Variants in SORCS2 observed in about 807,000 individuals in gnomAD.
SORCS2 encodes the protein VPS10 domain-containing receptor SorCS2.
In SORCS2, 100 loss-of-function variants were observed where a neutral mutation model predicts 141.6. That is an observed-to-expected ratio of 0.71 (90% CI 0.60 to 0.83). The LOEUF (loss-of-function observed/expected upper bound fraction) is 0.83, where lower values mean the gene tolerates loss of function less well. SORCS2 is among the 40% of genes least tolerant of loss of function. SORCS2 has a pLI of 0.00. For synonymous variants in SORCS2, 789 were observed against 676.9 expected (o/e 1.17, Z -2.57); for missense variants, 1,646 against 1,560.2 (o/e 1.05, Z -0.93).
rs528965022 is a variant in SORCS2 at position 7,696,887 on chromosome 4, C to G, written c.1592-311C>G. On this transcript the variant is annotated intron_variant, in intron 11 of 26. Transcript: ENST00000507866. ...CCCACCTGGCCCACGTCCTCTCCAGCCCATCCCTAGCCACACTCCATGCTT... is the reference window on the plus strand; with the variant it reads ...CCCACCTGGCCCACGTCCTCTCCAGGCCATCCCTAGCCACACTCCATGCTT... Among the ~76,000 whole-genome samples, 11 of 152,352 alleles carry G rather than the reference C, an allele frequency of 7.2e-5. No individual in the cohort carries two copies. In the East Asian group the frequency reaches 1.3e-3, roughly 19 times the overall value.
Position 7,375,377 on chromosome 4 carries a change from C to G in SORCS2, c.481-20911C>G, listed in dbSNP as rs568841455. On this transcript the variant is annotated intron_variant, in intron 1 of 26. Coordinates refer to ENST00000507866, the MANE Select transcript of SORCS2 (RefSeq NM_020777.3). ...GCGCCTCTGTCTCTGGGCATGGAAA[C>G]TCTCATGCTACATCCCGTGTTGGGT... 6.2e-4 allele frequency among the ~76,000 whole-genome samples: 95 copies of G among 152,370 alleles called. 1 individual carries two copies. In the East Asian group the frequency reaches 8.3e-3, roughly 13 times the overall value.
At chr4:7,515,356 G>A (rs909011912) in intron 2 of SORCS2, among the ~76,000 whole-genome samples, 30 of 152,328 alleles carry the variant, frequency 2.0e-4, no homozygotes, top group African/African-American at 5.8e-4. Context: ...GGTCAGGGGC[G>A]GATGAGGCCT....
At chr4:7,368,148 G>A (rs560385607) in intron 1 of SORCS2, among the ~76,000 whole-genome samples, 32 of 152,270 alleles carry the variant, frequency 2.1e-4, no homozygotes, top group African/African-American at 7.2e-4. Flanking sequence ...TGAATGTGCC[G>A]GAATCCTGTT....
intron 1 of SORCS2, among the ~76,000 whole-genome samples, chr4:7,361,717 G>T (rs760766284): frequency 1.8e-4 from 27 of 152,070 alleles, no homozygotes; most frequent in Non-Finnish European, 3.7e-4. Flanking sequence ...GGACCCCACT[G>T]CAGGCAGCTG....
At chr4:7,678,550 G>C (rs34872890) in intron 9 of SORCS2, among the ~76,000 whole-genome samples, 1 of 137,544 alleles carries the variant, frequency 7.3e-6, no homozygotes, top group Non-Finnish European at 1.6e-5. Context: ...GCGGTTGGCC[G>C]GCCTGGGGCA....
chr4:7,699,202 C>A (rs962782742), intron 12 of SORCS2, among the ~76,000 whole-genome samples: 6 of 152,130 alleles, frequency 3.9e-5, no homozygotes, highest in African/African-American at 1.4e-4. Context: ...CTCTCCCCAC[C>A]CGGCCCTGCT....
chr4:7,640,320 A>G (rs1720627175), intron 4 of SORCS2, among the ~76,000 whole-genome samples: 1 of 137,156 alleles, frequency 7.3e-6, no homozygotes, highest in South Asian at 2.4e-4. Context: ...GTGGGTGTGT[A>G]TGAGCATGTG....
At chr4:7,208,798 C>T (rs936397530) in intron 1 of SORCS2, among the ~76,000 whole-genome samples, 10 of 152,340 alleles carry the variant, frequency 6.6e-5, no homozygotes, top group Admixed American at 3.9e-4. Context: ...GCCTCTGCCC[C>T]GGGCCCTGGT....
chr4:7,445,754 G>T (rs1727951733), intron 2 of SORCS2, among the ~76,000 whole-genome samples: 1 of 152,192 alleles, frequency 6.6e-6, no homozygotes, highest in South Asian at 2.1e-4. Context: ...GGTTGAGGCA[G>T]ACCCAACCCT....
At chr4:7,363,180 C>T (rs1188178076) in intron 1 of SORCS2, among the ~76,000 whole-genome samples, 1 of 148,300 alleles carries the variant, frequency 6.7e-6, no homozygotes, top group African/African-American at 2.5e-5. Context: ...CATTACTACC[C>T]TCATCACCAC....
At chr4:7,419,478 G>C (rs1221725892) in intron 2 of SORCS2, among the ~76,000 whole-genome samples, 1 of 152,198 alleles carries the variant, frequency 6.6e-6, no homozygotes, top group East Asian at 1.9e-4. Context: ...GCCTTGTATT[G>C]AATGGACCAC....
At position 7,489,138 on chromosome 4, in the gene SORCS2, C is replaced by A. The variant is rs368556054; in HGVS notation, c.549-42392C>A. On this transcript the variant is annotated intron_variant, in intron 2 of 26. Coordinates refer to ENST00000507866, the MANE Select transcript of SORCS2 (RefSeq NM_020777.3). ...CAGACAGCAAGATGGAGGCTGAAAT[C>A]CGTGCAACGCTGGAGCCAAAAGCTG... Among the ~76,000 whole-genome samples, 5 of 152,306 alleles carry A rather than the reference C, an allele frequency of 3.3e-5. No homozygotes were observed. The East Asian group carries it at 5.8e-4, about 18-fold the overall frequency.
At chr4:7,215,019 A>G (rs1235717915) in intron 1 of SORCS2, among the ~76,000 whole-genome samples, 3 of 151,594 alleles carry the variant, frequency 2.0e-5, no homozygotes, top group Admixed American at 2.0e-4. Flanking sequence ...CTGGGCTCCC[A>G]CTTTGGCGGC....
chr4:7,724,142 A>ATGGTGG (rs1224969126), intron 19 of SORCS2, among the ~76,000 whole-genome samples: 2 of 99,400 alleles, frequency 2.0e-5, no homozygotes, highest in South Asian at 2.9e-4. Context: ...GGTGGTGGTG[A>ATGGTGG]TGGTCGTGGT....
chr4:7,466,566 C>G (rs143076218), intron 2 of SORCS2, among the ~76,000 whole-genome samples: 58 of 152,352 alleles, frequency 3.8e-4, no homozygotes, highest in Non-Finnish European at 6.6e-4. Flanking sequence ...CATTCTCCCT[C>G]TGGCTGCAGT....
At chr4:7,521,275 G>T (rs549758257) in intron 2 of SORCS2, among the ~76,000 whole-genome samples, 2 of 152,218 alleles carry the variant, frequency 1.3e-5, no homozygotes, top group African/African-American at 4.8e-5. Context: ...TTCAGATCCT[G>T]CTGCCTTCGC....
intron 2 of SORCS2, among the ~76,000 whole-genome samples, chr4:7,415,247 G>T (rs1054012669): frequency 3.3e-5 from 5 of 152,198 alleles, no homozygotes; most frequent in Non-Finnish European, 5.9e-5. Flanking sequence ...TACAGCTCTG[G>T]AGGCCACAAG....
chr4:7,712,661 A>C, intron 14 of SORCS2, 72 bp from the exon 15 acceptor site: 1 of 1,593,342 alleles, frequency 6.3e-7, no homozygotes, highest in Non-Finnish European at 8.6e-7. Flanking sequence ...TCCAGAGGGG[A>C]CATGATTTGC....
intron 2 of SORCS2, chr4:7,433,425 G>A (rs368073106): frequency 1.4e-5 from 22 of 1,520,578 alleles, no homozygotes; most frequent in Non-Finnish European, 1.8e-5. Flanking sequence ...AGAAGCTTGG[G>A]CCCAGGGCAC....
Sources: gnomAD v4.1 joint callset for allele counts (sites outside exome capture counted in the v4.1 genomes callset) on GRCh38, gnomAD v4.1.1 for gene constraint, MANE v1.5 for transcripts, NCBI Gene and HGNC (gene_info 2026-07-23, HGNC 2026-07-21) for gene names.